ZNF658: variants seen among roughly 807,000 people sequenced by gnomAD.
ZNF658 encodes zinc finger protein 658.
A neutral mutation model predicts 78.0 loss-of-function variants in ZNF658; 46 were observed. The observed-to-expected ratio is 0.59, with a 90% confidence interval of 0.47 to 0.75. The LOEUF is 0.75. Ranked by LOEUF, ZNF658 falls within the 30% of genes least tolerant of loss-of-function variation. ZNF658 has a pLI of 0.00. For missense variants in ZNF658, 785 were observed against 1,189.3 expected, an observed-to-expected ratio of 0.66 and a Z score of 5.00; for synonymous variants, 279 against 408.4, an observed-to-expected ratio of 0.68 and a Z score of 3.82.
chr9:66,913,165 C>T (rs1822252881), intron 4 of ZNF658, among the ~76,000 whole-genome samples: 1 of 150,628 alleles, frequency 6.6e-6, no homozygotes, highest in African/African-American at 2.5e-5. Flanking sequence ...TGGCTCACAC[C>T]TGTAATCCTA....
At chr9:66,907,628 A>C (rs535800927) in intron 2 of ZNF658, among the ~76,000 whole-genome samples, 1 of 152,272 alleles carries the variant, frequency 6.6e-6, no homozygotes, top group South Asian at 2.1e-4. Flanking sequence ...TGTCAATTAA[A>C]AACAAAATTT....
In ZNF658 at chr9:66,919,007, C is replaced by G. The variant is rs762542268; in HGVS notation, c.1441C>G (p.Leu481Val). ...NGCGRSYKSP[L>V]IGHQKTDAEM... ...CTGTGGGAGATCTTACAAGTCACCC[C>G]TCATAGGACACCAGAAAACAGATGC... Residue 481 changes from leucine to valine, a missense_variant, in exon 5 of 5, where the codon CTC becomes GTC. Transcript: ENST00000621410. 1.9e-5 allele frequency: 19 copies of G among 1,022,144 alleles called. No individual in the cohort carries two copies. In the South Asian group the frequency reaches 2.6e-4, roughly 14 times the overall value. 63.3% of individuals were successfully genotyped at this position (1,022,144 alleles called of 1,614,324 possible).
Position 66,908,654 on chromosome 9 carries a change from A to C in ZNF658, c.158A>C (p.Lys53Thr). 9 of 1,514,102 alleles carry C rather than the reference A, an allele frequency of 5.9e-6. No homozygotes were observed. The highest frequency in any genetic ancestry group is 5.7e-5 in the South Asian group (5 of 87,420). The allele number at this position is 1,514,102 out of a possible 1,614,324, so 93.8% of individuals were successfully genotyped here. Residue 53 changes from lysine (K) to threonine (T), a missense_variant, in exon 4 of 5, where the codon AAA becomes ACA. Physicochemically the swap from Lys to Thr is moderately conservative, Grantham distance 78 (BLOSUM62 -1). Transcript: ENST00000621410. The part of the protein sequence containing the change: ...HLISVGYCIT[K>T]PKVISKLEKG... Reference sequence around the variant, plus strand: ...TTGTTTACAGGATATTGCATTACTAAACCTAAGGTGATCTCCAAGTTGGAG... The same window carrying C: ...TTGTTTACAGGATATTGCATTACTACACCTAAGGTGATCTCCAAGTTGGAG...
At chr9:66,929,574 T>G (rs1245980797) in intron 6 of ZNF658, among the ~76,000 whole-genome samples, 1 of 151,946 alleles carries the variant, frequency 6.6e-6, no homozygotes, top group Non-Finnish European at 1.5e-5. Flanking sequence ...GCTCCTAATC[T>G]AAAGATAGTT....
chr9:66,914,917 T>A (rs894846161), intron 4 of ZNF658, among the ~76,000 whole-genome samples: 1 of 152,182 alleles, frequency 6.6e-6, no homozygotes, highest in Non-Finnish European at 1.5e-5. Flanking sequence ...AGGCAGGCCT[T>A]ATAAAATGAT....
intron 1 of ZNF658, chr9:66,901,190 A>G (rs1303712054): frequency 6.6e-6 from 1 of 152,104 alleles, no homozygotes; most frequent in African/African-American, 2.4e-5. Context: ...TGCTCTCACA[A>G]TTATGAGACA....
At chr9:66,923,994 C>CAA (rs1228528255), downstream of ZNF658, among the ~76,000 whole-genome samples, 1 of 148,282 alleles carries the variant, frequency 6.7e-6, no homozygotes, top group East Asian at 2.0e-4. Flanking sequence ...ACAAAAAATA[C>CAA]AAAAAAATAA....
intron 4 of ZNF658, among the ~76,000 whole-genome samples, chr9:66,911,012 A>T (rs1292396660): frequency 6.7e-6 from 1 of 150,126 alleles, no homozygotes. Context: ...AAAACATAAA[A>T]TAATGGAGTT....
downstream of ZNF658, among the ~76,000 whole-genome samples, chr9:66,922,036 A>C (rs1822535259): frequency 1.0e-5 from 1 of 98,694 alleles, no homozygotes; most frequent in African/African-American, 3.8e-5. Context: ...TTATGTACTC[A>C]AGCCTCAGCA....
downstream of ZNF658, among the ~76,000 whole-genome samples, chr9:66,925,247 T>TG (rs772942298): frequency 2.6e-3 from 380 of 148,984 alleles, 6 homozygotes; most frequent in Middle Eastern, 3.4e-3. Flanking sequence ...TGACATTAGT[T>TG]GAAAAAATGC....
At chr9:66,929,864 A>G (rs1488395607) in intron 6 of ZNF658, among the ~76,000 whole-genome samples, 2 of 128,690 alleles carry the variant, frequency 1.6e-5, no homozygotes, top group Non-Finnish European at 3.3e-5. Flanking sequence ...GCTCGCTGCA[A>G]CCTTCGCCTC....
In ZNF658 at chr9:66,920,933, T is replaced by G; in HGVS notation, c.*187T>G. The G allele has an allele frequency of 1.4e-6, 1 of 711,132 alleles. No individual in the cohort carries two copies. The highest frequency in any genetic ancestry group is 2.5e-5 in the East Asian group (1 of 40,204). The allele number at this position is 711,132 out of a possible 1,614,324, so 44.1% of individuals were successfully genotyped here. On this transcript the variant is annotated 3_prime_UTR_variant, in exon 5 of 5. Coordinates refer to ENST00000621410, the MANE Select transcript of ZNF658 (RefSeq NM_033160.7). ...CTAATGATAAATATTACATTTACCC[T>G]TGGCCCTTAAAAAAAAAAAAGAAAA...
rs1822453673 is a variant in ZNF658, at chr9:66,919,669, C to T, written c.2103C>T (p.Leu701=). The change falls in exon 5 of 5, where the codon CTC becomes CTT. Residue 701 remains leucine, a synonymous_variant. Coordinates refer to ENST00000621410, the MANE Select transcript of ZNF658 (RefSeq NM_033160.7). The part of the protein sequence containing the change: ...CEKTFAHNSA[L]KIHQRIHTGE... ...AAACTTTTGCCCATAATTCAGCCCT[C>T]AAAATACATCAGAGAATTCACACGG... The T allele has an allele frequency of 2.5e-6, 4 of 1,611,734 alleles. No individual in the cohort carries two copies. The highest frequency in any genetic ancestry group is 3.4e-6 in the Non-Finnish European group (4 of 1,179,696).
chr9:66,918,490 G>A lies in ZNF658; in HGVS notation c.924G>A (p.Arg308=), dbSNP rs779147166. The change falls in exon 5 of 5, where the codon AGG becomes AGA. Residue 308 remains arginine, a synonymous_variant. Coordinates refer to ENST00000621410, the MANE Select transcript of ZNF658 (RefSeq NM_033160.7). The part of the protein sequence containing the change: ...ECNERGINFS[R]KSPLTQSQRT... Reference sequence around the variant, plus strand: ...ATGAAAGGGGGATTAATTTCAGTAGGAAGTCACCCCTCACTCAATCTCAGA... The same window carrying A: ...ATGAAAGGGGGATTAATTTCAGTAGAAAGTCACCCCTCACTCAATCTCAGA... The A allele has an allele frequency of 1.1e-5, 17 of 1,606,590 alleles. No individual in the cohort carries two copies. In the Middle Eastern group the frequency reaches 5.0e-4, roughly 47 times the overall value.
chr9:66,910,977 C>A (rs1302117955), intron 4 of ZNF658, among the ~76,000 whole-genome samples: 2 of 151,128 alleles, frequency 1.3e-5, no homozygotes, highest in Non-Finnish European at 2.9e-5. Context: ...ATGACTGCAC[C>A]AAATAATATA....
At chr9:66,901,095 T>C (rs1393857171) in intron 1 of ZNF658, 6 of 152,258 alleles carry the variant, frequency 3.9e-5, no homozygotes, top group Non-Finnish European at 7.3e-5. Context: ...TAGTAACTCG[T>C]GTTCCTATTC....
At chr9:66,908,815 C>T (rs537916840) in intron 4 of ZNF658, 81 bp downstream of exon 4, 3 of 891,406 alleles carry the variant, frequency 3.4e-6, no homozygotes, top group East Asian at 5.1e-5. Context: ...TTTTTTGGAA[C>T]AGCTTTATTG....
At chr9:66,909,059 G>T (rs62561239) in intron 4 of ZNF658, among the ~76,000 whole-genome samples, 1 of 151,722 alleles carries the variant, frequency 6.6e-6, no homozygotes, top group South Asian at 2.1e-4. Context: ...GTATACAAGA[G>T]GATGTGCATA....
In ZNF658 at chr9:66,918,913, C is replaced by A; in HGVS notation, c.1347C>A (p.Phe449Leu). 8 of 1,559,620 alleles carry A rather than the reference C, an allele frequency of 5.1e-6. No individual in the cohort carries two copies. Among genetic ancestry groups the A allele is most frequent in the Non-Finnish European group, 7.0e-6 (8 of 1,150,272 alleles). The change falls in exon 5 of 5, where the codon TTC (phenylalanine) becomes TTA (leucine). Residue 449 changes from phenylalanine (F) to leucine (L), a missense_variant. Phe to Leu is a conservative substitution (Grantham distance 22). Transcript: ENST00000621410. ...AATGTAATGAATGTGGGAAAGCTTTCTGTCAGAATTCAAACCTCAGTAAAC... is the reference window on the plus strand; with the variant it reads ...AATGTAATGAATGTGGGAAAGCTTTATGTCAGAATTCAAACCTCAGTAAAC... ...LYECNECGKA[F>L]CQNSNLSKHL...
Sources: allele counts gnomAD v4.1 joint callset (sites outside exome capture counted in the v4.1 genomes callset), GRCh38; gene constraint gnomAD v4.1.1; transcripts MANE v1.5; gene names NCBI Gene and HGNC (gene_info 2026-07-23, HGNC 2026-07-21).